CPQ: variants seen among roughly 807,000 people sequenced by gnomAD.
The protein encoded by CPQ is Ser-Met dipeptidase.
CPQ carries 37 observed loss-of-function variants against 45.7 expected under a neutral mutation model. That is an observed-to-expected ratio of 0.81 (90% confidence interval 0.62 to 1.07). The LOEUF (loss-of-function observed/expected upper bound fraction) is 1.07. Among genes scored for constraint, CPQ ranks in the 50% least tolerant of loss-of-function variants. The probability of loss-of-function intolerance (pLI) is 0.00; values close to 1 mark genes in which losing one functional copy is unlikely to be tolerated. For synonymous variants in CPQ, 186 were observed against 205.8 expected (o/e 0.90, Z 0.82); for missense variants, 537 against 572.9 (o/e 0.94, Z 0.64).
intron 1 of CPQ, among the ~76,000 whole-genome samples, chr8:96,704,659 A>G (rs1355572790): frequency 6.6e-6 from 1 of 152,134 alleles, no homozygotes; most frequent in Admixed American, 6.6e-5. Flanking sequence ...AGGAGAGGGC[A>G]GGATAGTCAG....
intron 7 of CPQ, among the ~76,000 whole-genome samples, chr8:97,118,312 T>C (rs1811631032): frequency 6.6e-6 from 1 of 152,096 alleles, no homozygotes; most frequent in Non-Finnish European, 1.5e-5. Context: ...ATGGTGATTC[T>C]AGTCCTGGCT....
chr8:96,717,046 T>A (rs542852823), intron 1 of CPQ, among the ~76,000 whole-genome samples: 24 of 63,440 alleles, frequency 3.8e-4, no homozygotes, highest in South Asian at 4.8e-4. Context: ...TATATATATA[T>A]ATATATATAT....
intron 7 of CPQ, among the ~76,000 whole-genome samples, chr8:97,103,219 G>A (rs953775115): frequency 2.7e-4 from 41 of 152,062 alleles, no homozygotes; most frequent in African/African-American, 9.2e-4. Context: ...TGACACTCAC[G>A]GGCCCTAGGA....
In CPQ at chr8:96,723,109, A is replaced by T. The variant is rs115022022; in HGVS notation, c.-34-61755A>T. 2.2e-3 allele frequency among the ~76,000 whole-genome samples: 336 copies of T among 152,342 alleles called. 1 individual carries two copies. The highest frequency in any genetic ancestry group is 7.7e-3 in the African/African-American group (321 of 41,582). On this transcript the variant is annotated intron_variant, in intron 1 of 7. Coordinates refer to ENST00000220763, the MANE Select transcript of CPQ (RefSeq NM_016134.4). ...TTATCTTGAACATGCAATCCTTCCA[A>T]GTAACACATTATAATTATGTTTTTA...
At chr8:96,819,729 A>G (rs544901770) in intron 2 of CPQ, among the ~76,000 whole-genome samples, 12 of 152,094 alleles carry the variant, frequency 7.9e-5, no homozygotes, top group Non-Finnish European at 1.8e-4. Context: ...AACTGTTGCC[A>G]TGACCTTTGC....
At chr8:96,662,777 C>T (rs371608017) in intron 1 of CPQ, among the ~76,000 whole-genome samples, 116 of 152,142 alleles carry the variant, frequency 7.6e-4, no homozygotes, top group Non-Finnish European at 1.3e-3. Context: ...CGCTTGAGCC[C>T]GGGAGTTCAA....
At chr8:96,780,597 T>C (rs1372490156) in intron 1 of CPQ, among the ~76,000 whole-genome samples, 1 of 152,210 alleles carries the variant, frequency 6.6e-6, no homozygotes, top group Non-Finnish European at 1.5e-5. Flanking sequence ...TATTTATTTA[T>C]TTTTCAACTT....
At chr8:96,929,955 T>TA (rs202021595) in intron 4 of CPQ, among the ~76,000 whole-genome samples, 3,758 of 151,980 alleles carry the variant, frequency 0.025, 84 homozygotes, top group South Asian at 0.097. Flanking sequence ...TTGGGTGAGG[T>TA]ATAATAAGAA....
chr8:97,042,432 A>C, intron 6 of CPQ, among the ~76,000 whole-genome samples: 1 of 151,990 alleles, frequency 6.6e-6, no homozygotes. Flanking sequence ...CTTTCAAAAA[A>C]CCAGCTCCTG....
rs568724332 is a variant in CPQ at position 96,738,533 on chromosome 8, A to G, written c.-34-46331A>G. On this transcript the variant is annotated intron_variant, in intron 1 of 7. Transcript: ENST00000220763. ...GTGCAGGTTAGTTACATATGTATAC[A>G]TGTGCCATGCTGGTGCACTGCACCC... 6.6e-5 allele frequency among the ~76,000 whole-genome samples: 10 copies of G among 152,148 alleles called. 1 individual carries two copies. The East Asian group carries it at 1.2e-3, about 18-fold the overall frequency.
chr8:96,920,347 A>AT (rs1812789814), intron 4 of CPQ, among the ~76,000 whole-genome samples: 1 of 152,156 alleles, frequency 6.6e-6, no homozygotes, highest in African/African-American at 2.4e-5. Flanking sequence ...TCTAAAGTCC[A>AT]TTAGCTACTC....
chr8:96,810,900 T>C (rs1287439312), intron 2 of CPQ, among the ~76,000 whole-genome samples: 1 of 152,206 alleles, frequency 6.6e-6, no homozygotes, highest in African/African-American at 2.4e-5. Flanking sequence ...CTTACTAGAG[T>C]TCATTGCATC....
intron 2 of CPQ, among the ~76,000 whole-genome samples, chr8:96,820,075 T>G (rs1811280990): frequency 6.6e-6 from 1 of 152,098 alleles, no homozygotes; most frequent in Non-Finnish European, 1.5e-5. Context: ...TCACTCTTCT[T>G]CAATTAGGAC....
chr8:96,690,672 T>C (rs538701767), intron 1 of CPQ, among the ~76,000 whole-genome samples: 2 of 152,334 alleles, frequency 1.3e-5, no homozygotes, highest in South Asian at 4.1e-4. Flanking sequence ...GTTTGAGCTG[T>C]GATACAAAGT....
intron 4 of CPQ, among the ~76,000 whole-genome samples, chr8:96,919,085 G>C (rs759809956): frequency 5.9e-5 from 9 of 151,976 alleles, no homozygotes; most frequent in Non-Finnish European, 1.0e-4. Context: ...GTATCTGCTT[G>C]ACATCTTCAT....
At chr8:96,671,003 T>C (rs1231399983) in intron 1 of CPQ, among the ~76,000 whole-genome samples, 1 of 152,144 alleles carries the variant, frequency 6.6e-6, no homozygotes, top group Non-Finnish European at 1.5e-5. Context: ...TCTGATAAAG[T>C]ACTGTAGTTT....
At chr8:96,801,767 C>G (rs986808182) in intron 2 of CPQ, among the ~76,000 whole-genome samples, 1 of 152,108 alleles carries the variant, frequency 6.6e-6, no homozygotes, top group African/African-American at 2.4e-5. Context: ...AATAAACACC[C>G]CATTCCATCT....
intron 3 of CPQ, among the ~76,000 whole-genome samples, chr8:96,871,542 T>G (rs1203831111): frequency 1.2e-3 from 186 of 150,762 alleles, no homozygotes; most frequent in African/African-American, 4.3e-3. Context: ...TTTTTTTTTT[T>G]TTTTTTTTTT....
intron 3 of CPQ, among the ~76,000 whole-genome samples, chr8:96,840,241 C>G (rs1362357171): frequency 6.6e-6 from 1 of 152,150 alleles, no homozygotes; most frequent in East Asian, 1.9e-4. Flanking sequence ...ACAAGCAGAT[C>G]AGTTTAGCTG....
Sources: gnomAD v4.1 joint callset for allele counts (sites outside exome capture counted in the v4.1 genomes callset) on GRCh38, gnomAD v4.1.1 for gene constraint, MANE v1.5 for transcripts, NCBI Gene and HGNC (gene_info 2026-07-23, HGNC 2026-07-21) for gene names.